CCSER1: variants seen among roughly 807,000 people sequenced by gnomAD.
CCSER1 encodes coiled-coil serine rich protein 1.
In CCSER1, 41 loss-of-function variants were observed where a neutral mutation model predicts 82.0. The ratio of observed to expected loss-of-function variants is 0.50; its 90% CI spans 0.39 to 0.65. CCSER1 has a LOEUF of 0.65. CCSER1 is among the 30% of genes least tolerant of loss of function. The pLI is 0.00. For synonymous variants in CCSER1, 414 were observed against 383.9 expected (o/e 1.08, Z -0.92); for missense variants, 1,119 against 1,064.2 (o/e 1.05, Z -0.72).
At chr4:90,572,588 A>G (rs1780237754) in intron 5 of CCSER1, among the ~76,000 whole-genome samples, 1 of 151,420 alleles carries the variant, frequency 6.6e-6, no homozygotes. Flanking sequence ...TATTATTATT[A>G]TTATTATCTT....
chr4:90,410,238 C>G (rs1268539435), intron 4 of CCSER1, among the ~76,000 whole-genome samples: 1 of 152,112 alleles, frequency 6.6e-6, no homozygotes, highest in Non-Finnish European at 1.5e-5. Context: ...AGAAAGTTAG[C>G]AAGGATATCC....
intron 9 of CCSER1, among the ~76,000 whole-genome samples, chr4:90,953,098 T>A (rs1161624481): frequency 6.6e-6 from 1 of 152,056 alleles, no homozygotes; most frequent in Non-Finnish European, 1.5e-5. Flanking sequence ...CAGATGCAAC[T>A]TCAGTGAAAT....
chr4:90,639,935 A>G (rs1404154627), intron 6 of CCSER1, among the ~76,000 whole-genome samples: 1 of 152,128 alleles, frequency 6.6e-6, no homozygotes, highest in African/African-American at 2.4e-5. Context: ...TTTGTATTTA[A>G]AACCAGATTA....
intron 8 of CCSER1, among the ~76,000 whole-genome samples, chr4:90,821,188 A>G (rs912265117): frequency 3.3e-5 from 5 of 152,190 alleles, no homozygotes; most frequent in South Asian, 4.1e-4. Context: ...TTTAATGCAT[A>G]TCATTATACT....
At chr4:91,309,528 T>C (rs1444679015) in intron 10 of CCSER1, among the ~76,000 whole-genome samples, 1 of 152,042 alleles carries the variant, frequency 6.6e-6, no homozygotes, top group African/African-American at 2.4e-5. Flanking sequence ...AAGGTGGTTA[T>C]CGATTTTCCT....
chr4:90,506,142 A>G (rs530151071), intron 5 of CCSER1, among the ~76,000 whole-genome samples: 2 of 152,320 alleles, frequency 1.3e-5, no homozygotes, highest in South Asian at 2.1e-4. Flanking sequence ...CAAGAAGCAG[A>G]GTTTTAAATA....
At chr4:91,136,098 TC>T (rs1366191239) in intron 10 of CCSER1, among the ~76,000 whole-genome samples, 1 of 152,158 alleles carries the variant, frequency 6.6e-6, no homozygotes, top group African/African-American at 2.4e-5. Context: ...GCATATCAAA[TC>T]CAAATGTTTT....
chr4:90,278,568 C>T (rs1299739698), intron 1 of CCSER1, among the ~76,000 whole-genome samples: 1 of 151,830 alleles, frequency 6.6e-6, no homozygotes. Flanking sequence ...GTGAACTAAC[C>T]CAGAAACAGA....
chr4:90,771,322 A>T (rs1297677550), intron 7 of CCSER1, among the ~76,000 whole-genome samples: 2 of 151,926 alleles, frequency 1.3e-5, no homozygotes, highest in East Asian at 3.9e-4. Flanking sequence ...GATTTATTGG[A>T]TTTATTCGAT....
intron 7 of CCSER1, among the ~76,000 whole-genome samples, chr4:90,771,482 A>C (rs1489599019): frequency 2.7e-5 from 4 of 148,222 alleles, no homozygotes; most frequent in Admixed American, 6.9e-5. Flanking sequence ...ACATCCCACT[A>C]TTTCTTTTCT....
At chr4:90,559,131 A>G (rs1263776214) in intron 5 of CCSER1, among the ~76,000 whole-genome samples, 2 of 152,190 alleles carry the variant, frequency 1.3e-5, no homozygotes, top group African/African-American at 4.8e-5. Context: ...AAATGCCACT[A>G]TCTGATTTGT....
chr4:90,618,385 A>AT (rs767483676), intron 5 of CCSER1, among the ~76,000 whole-genome samples: 2 of 151,992 alleles, frequency 1.3e-5, no homozygotes, highest in Admixed American at 6.6e-5. Flanking sequence ...CATCTTGAAT[A>AT]TTATAACACA....
At chr4:90,580,185 G>A (rs1781271714) in intron 5 of CCSER1, among the ~76,000 whole-genome samples, 1 of 152,036 alleles carries the variant, frequency 6.6e-6, no homozygotes, top group South Asian at 2.1e-4. Flanking sequence ...ATATAATTAT[G>A]CCAGTGAATA....
chr4:91,073,204 T>G (rs2148773872), intron 9 of CCSER1, among the ~76,000 whole-genome samples: 1 of 152,236 alleles, frequency 6.6e-6, no homozygotes, highest in East Asian at 1.9e-4. Flanking sequence ...TTCTTTGTAT[T>G]TCAATAGATT....
intron 9 of CCSER1, among the ~76,000 whole-genome samples, chr4:90,952,805 T>G (rs1733050464): frequency 6.6e-6 from 1 of 152,024 alleles, no homozygotes; most frequent in African/African-American, 2.4e-5. Context: ...ATTTAAATCA[T>G]AGACTGTTTT....
intron 10 of CCSER1, among the ~76,000 whole-genome samples, chr4:91,274,123 C>T (rs1742241166): frequency 6.6e-6 from 1 of 152,050 alleles, no homozygotes; most frequent in African/African-American, 2.4e-5. Context: ...TTAGATTTGG[C>T]ATCTTATTAA....
intron 10 of CCSER1, among the ~76,000 whole-genome samples, chr4:91,376,469 C>T (rs1750422008): frequency 6.6e-6 from 1 of 152,158 alleles, no homozygotes; most frequent in African/African-American, 2.4e-5. Context: ...AATAGGACCA[C>T]TGTCACATAT....
At chr4:91,061,000 AAAT>A (rs1743903307) in intron 9 of CCSER1, among the ~76,000 whole-genome samples, 1 of 152,082 alleles carries the variant, frequency 6.6e-6, no homozygotes, top group Non-Finnish European at 1.5e-5. Flanking sequence ...TCTACACAAA[AAAT>A]AATACCTACA....
intron 3 of CCSER1, among the ~76,000 whole-genome samples, chr4:90,333,612 G>A (rs1460953606): frequency 6.6e-6 from 1 of 152,192 alleles, no homozygotes; most frequent in African/African-American, 2.4e-5. Context: ...GTTCTAGCAT[G>A]TGAGTTTACT....
Sources: allele counts gnomAD v4.1 joint callset (sites outside exome capture counted in the v4.1 genomes callset), GRCh38; gene constraint gnomAD v4.1.1; transcripts MANE v1.5; gene names NCBI Gene and HGNC (gene_info 2026-07-23, HGNC 2026-07-21).